The following ITGAD variants were observed in gnomAD, a reference collection of about 807,000 sequenced individuals.
ITGAD encodes integrin alpha-D.
ITGAD carries 105 observed loss-of-function variants against 139.0 expected under a neutral mutation model. The ratio of observed to expected loss-of-function variants is 0.76; its 90% CI spans 0.65 to 0.89. The LOEUF is 0.89. Among genes scored for constraint, ITGAD ranks in the 40% least tolerant of loss-of-function variants. The pLI, the probability that ITGAD is intolerant of heterozygous loss-of-function variation, is 0.00. For synonymous variants in ITGAD, 569 were observed against 598.3 expected, an observed-to-expected ratio of 0.95 and a Z score of 0.71; for missense variants, 1,384 against 1,487.3, an observed-to-expected ratio of 0.93 and a Z score of 1.14.
Position 31,426,052 on chromosome 16 carries a change from A to T in ITGAD, c.3410A>T (p.Glu1137Val), listed in dbSNP as rs749421559. The T allele has an allele frequency of 1.9e-6, 3 of 1,613,946 alleles. No homozygotes were observed. Among genetic ancestry groups the T allele is most frequent in the East Asian group, 4.5e-5 (2 of 44,896 alleles). ...FFKRHYKEML[E>V]DKPEDTATFS... ...AAACGCCACTACAAGGAAATGCTGGAGGACAAGCCTGAAGACACTGCCACA... is the reference window on the plus strand; with the variant it reads ...AAACGCCACTACAAGGAAATGCTGGTGGACAAGCCTGAAGACACTGCCACA... The change falls in exon 30 of 30, where the codon GAG becomes GTG. Residue 1137 changes from glutamate (E) to valine (V), a missense_variant. Physicochemically the swap from Glu to Val is moderately radical, Grantham distance 121. Coordinates refer to ENST00000389202, the MANE Select transcript of ITGAD (RefSeq NM_005353.3).
intron 2 of ITGAD, among the ~76,000 whole-genome samples, chr16:31,395,988 A>G (rs1567319909): frequency 6.6e-6 from 1 of 152,060 alleles, no homozygotes; most frequent in Non-Finnish European, 1.5e-5. Context: ...GAGGTGCACA[A>G]ATCTGAAAGA....
In ITGAD at chr16:31,403,528, T is replaced by C. The variant is rs1476106453; in HGVS notation, c.587T>C (p.Leu196Pro). Residue 196 changes from leucine (L) to proline (P), a missense_variant, in exon 7 of 30, where the codon CTG becomes CCG. By Grantham distance (98) the Leu-to-Pro change is moderately conservative. Transcript: ENST00000389202. The surrounding 1 kb of genome is among the most constrained non-coding windows in gnomAD (Gnocchi z 4.4). The stretch of plus-strand genomic sequence containing the variant: ...GCACTGATGCAGTACTCAAACCTCC[T>C]GAAGATCCACTTCACCTTCACCCAA... The part of the protein sequence containing the change: ...LFALMQYSNL[L>P]KIHFTFTQFR... 2 of 1,614,174 alleles carry C rather than the reference T, an allele frequency of 1.2e-6. No homozygotes were observed. Among genetic ancestry groups the C allele is most frequent in the Admixed American group, 3.3e-5 (2 of 60,018 alleles).
At position 31,410,470 on chromosome 16, in the gene ITGAD, C is replaced by A; in HGVS notation, c.1159C>A (p.Pro387Thr). The A allele has an allele frequency of 6.2e-7, 1 of 1,613,886 alleles. No individual in the cohort carries two copies. The highest frequency in any genetic ancestry group is 8.5e-7 in the Non-Finnish European group (1 of 1,179,952). Residue 387 changes from proline (P) to threonine (T), a missense_variant, in exon 11 of 30, where the codon CCC (proline) becomes ACC (threonine). Coordinates refer to ENST00000389202, the MANE Select transcript of ITGAD (RefSeq NM_005353.3). ...CTTCCTGTATCCCCCAAATATGAGC[C>A]CCACCTTCATCAACATGTCTCAGGA... Reference protein sequence around the residue: ...GAFLYPPNMSPTFINMSQENV... With the variant: ...GAFLYPPNMSTTFINMSQENV...
At chr16:31,398,790 A>G (rs9936992) in intron 5 of ITGAD, among the ~76,000 whole-genome samples, 55,187 of 151,904 alleles carry the variant, frequency 0.36, 10,311 homozygotes, top group East Asian at 0.62. Context: ...GGCCTGAGGG[A>G]TGAAAGTTCT....
chr16:31,400,531 G>T (rs1333288615), intron 5 of ITGAD, among the ~76,000 whole-genome samples: 1 of 152,170 alleles, frequency 6.6e-6, no homozygotes, highest in South Asian at 2.1e-4. Context: ...AGCATGAAAA[G>T]TCTTATTTGT....
chr16:31,394,305 G>A lies in ITGAD; in HGVS notation c.101G>A (p.Gly34Asp). 6.2e-7 allele frequency: 1 copy of A among 1,613,684 alleles called. No individual in the cohort carries two copies. Among genetic ancestry groups the A allele is most frequent in the South Asian group, 1.1e-5 (1 of 91,052 alleles). The change falls in exon 2 of 30, where the codon GGC becomes GAC. Residue 34 changes from glycine (G) to aspartate (D), a missense_variant. Gly to Asp is a moderately conservative substitution (Grantham distance 94). Transcript: ENST00000389202. ...ACGATCTTCCAGGAGGATGCAGGCG[G>A]CTTTGGGCAGAGCGTGGTGCAGTTC... ...EPTIFQEDAG[G>D]FGQSVVQFGG...
intron 16 of ITGAD, 43 bp downstream of exon 16, chr16:31,413,289 TA>T: frequency 6.3e-7 from 1 of 1,599,856 alleles, no homozygotes; most frequent in African/African-American, 1.3e-5. Flanking sequence ...CTCATTCCAT[TA>T]GGGGCCCCAA....
intron 23 of ITGAD, among the ~76,000 whole-genome samples, chr16:31,419,297 CAT>C (rs2081963438): frequency 6.6e-6 from 1 of 152,076 alleles, no homozygotes; most frequent in African/African-American, 2.4e-5. Flanking sequence ...CTAATGATGT[CAT>C]AGCAGTTGTA....
At chr16:31,422,492 G>T (rs1030578368) in intron 23 of ITGAD, among the ~76,000 whole-genome samples, 3 of 152,080 alleles carry the variant, frequency 2.0e-5, no homozygotes, top group African/African-American at 7.2e-5. Context: ...CCATGAAGGG[G>T]CCCTCACTCC....
In ITGAD at chr16:31,411,396, A is replaced by T. The variant is rs1317480961; in HGVS notation, c.1586A>T (p.Asp529Val). The change falls in exon 14 of 30, where the codon GAT becomes GTT. Residue 529 changes from aspartate (D) to valine (V), a missense_variant. Transcript: ENST00000389202. ...RFGAALTVLG[D>V]VNEDKLIDVA... ...GGGGCAGCCCTGACAGTGTTGGGGG[A>T]TGTGAATGAGGACAAGCTGATAGAC... The T allele has an allele frequency of 6.2e-7, 1 of 1,613,756 alleles. No homozygotes were observed. Among genetic ancestry groups the T allele is most frequent in the Non-Finnish European group, 8.5e-7 (1 of 1,179,896 alleles).
chr16:31,415,987 G>A (rs1420184780), intron 18 of ITGAD, among the ~76,000 whole-genome samples: 1 of 152,220 alleles, frequency 6.6e-6, no homozygotes, highest in Non-Finnish European at 1.5e-5. Context: ...TCCAGGATAA[G>A]CTGGATGTAA....
In ITGAD at chr16:31,410,298, G is replaced by A. The variant is rs539944902; in HGVS notation, c.1084-97G>A. On this transcript the variant is annotated intron_variant, in intron 10 of 29. Transcript: ENST00000389202. ...CGGGCCGGGAAGACAGAGAAGAAAAGCCTGGATGGCGAGTGATGCGGGTGG... is the reference window on the plus strand; with the variant it reads ...CGGGCCGGGAAGACAGAGAAGAAAAACCTGGATGGCGAGTGATGCGGGTGG... 1,793 of 1,549,604 alleles carry A rather than the reference G, an allele frequency of 1.2e-3. 9 individuals are homozygous for A. The highest frequency in any genetic ancestry group is 6.9e-4 in the Non-Finnish European group (785 of 1,134,104).
chr16:31,402,002 TC>T (rs2142648791), intron 5 of ITGAD, 112 bp from the exon 6 acceptor site: 2 of 1,187,112 alleles, frequency 1.7e-6, no homozygotes, highest in East Asian at 5.5e-5. Flanking sequence ...CAAGGAGGGG[TC>T]GGAAACTAGG....
chr16:31,393,463 G>C, intron 1 of ITGAD, 72 bp downstream of exon 1: 1 of 1,544,872 alleles, frequency 6.5e-7, no homozygotes, highest in Non-Finnish European at 8.9e-7. Flanking sequence ...AGGGCAGGCT[G>C]GGGGCTGGTG....
At chr16:31,415,874 G>A (rs2081872916) in intron 18 of ITGAD, among the ~76,000 whole-genome samples, 1 of 152,056 alleles carries the variant, frequency 6.6e-6, no homozygotes, top group Admixed American at 6.6e-5. Context: ...TTGAGCATAG[G>A]AACCATGTCG....
chr16:31,416,079 G>C, intron 18 of ITGAD, 134 bp from the exon 19 acceptor site: 1 of 589,356 alleles, frequency 1.7e-6, no homozygotes, highest in South Asian at 2.9e-5. Flanking sequence ...CCGCACCTGC[G>C]CCCCTTGTTG....
intron 23 of ITGAD, among the ~76,000 whole-genome samples, chr16:31,422,112 T>C (rs1335825287): frequency 6.6e-6 from 1 of 151,714 alleles, no homozygotes. Context: ...TGTATTTTTT[T>C]TTTTTTTTGC....
chr16:31,394,199 T>A, intron 1 of ITGAD, 37 bp from the exon 2 acceptor site: 9 of 1,417,950 alleles, frequency 6.3e-6, no homozygotes, highest in Non-Finnish European at 9.0e-6. Flanking sequence ...GGGGCTTCTT[T>A]AACTCCCAGC....
In ITGAD at chr16:31,423,336, C is replaced by T; in HGVS notation, c.2860-16C>T. The T allele has an allele frequency of 9.3e-6, 15 of 1,610,912 alleles. No homozygotes were observed. Among genetic ancestry groups the T allele is most frequent in the Non-Finnish European group, 1.3e-5 (15 of 1,177,062 alleles). Reference sequence around the variant, plus strand: ...CTCCAGAGACCACAATAACACTCTGCCTTGATTTCCTGCAGGTGAATAACC... The same window carrying T: ...CTCCAGAGACCACAATAACACTCTGTCTTGATTTCCTGCAGGTGAATAACC... On this transcript the variant is annotated splice_polypyrimidine_tract_variant and intron_variant, in intron 24 of 29. Transcript: ENST00000389202.
Sources: gnomAD v4.1 joint callset for allele counts (sites outside exome capture counted in the v4.1 genomes callset) on GRCh38, gnomAD v4.1.1 for gene constraint, Gnocchi (gnomAD v3.1) non-coding constraint, MANE v1.5 for transcripts, NCBI Gene and HGNC (gene_info 2026-07-23, HGNC 2026-07-21) for gene names.